LRP1: variants seen among roughly 807,000 people sequenced by gnomAD.
LRP1 encodes LDL receptor related protein 1.
In LRP1, 51 loss-of-function variants were observed where a neutral mutation model predicts 541.5. That is an observed-to-expected ratio of 0.09 (90% confidence interval 0.08 to 0.12). LRP1 has a LOEUF of 0.12. LRP1 is among the 10% of genes least tolerant of loss of function. LRP1 has a pLI of 1.00. For synonymous variants in LRP1, 2,219 were observed against 2,470.8 expected, an observed-to-expected ratio of 0.90 and a Z score of 3.02; for missense variants, 3,878 against 6,376.2, an observed-to-expected ratio of 0.61 and a Z score of 13.34.
At chr12:57,142,997 C>T (rs555178404) in intron 3 of LRP1, among the ~76,000 whole-genome samples, 59 of 152,126 alleles carry the variant, frequency 3.9e-4, no homozygotes, top group Non-Finnish European at 6.2e-4. Flanking sequence ...CCTGGCCCCA[C>T]GCAAGGCCAT....
At chr12:57,152,691 G>A (rs545395121) in intron 6 of LRP1, among the ~76,000 whole-genome samples, 1 of 151,918 alleles carries the variant, frequency 6.6e-6, no homozygotes, top group East Asian at 1.9e-4. Flanking sequence ...GGCTGGGCTT[G>A]GGGATGCATG....
At chr12:57,200,406 C>T (rs747802746) in intron 62 of LRP1, 36 bp from the exon 63 acceptor site, 13 of 1,168,012 alleles carry the variant, frequency 1.1e-5, no homozygotes, top group African/African-American at 4.5e-5. Flanking sequence ...TCCCCCAGAC[C>T]CCCACCAACC....
Position 57,204,581 on chromosome 12 carries a change from C to G in LRP1, c.11072-46C>G, listed in dbSNP as rs759342524. ...CTTCCCAGTGGCCAGCAACCACCCC[C>G]ACTCCCAAGACTAATTCTGGCTCTG... is the stretch of plus-strand genomic sequence containing the variant. On this transcript the variant is annotated intron_variant, in intron 71 of 88. Transcript: ENST00000243077. The surrounding 1 kb of genome is among the most constrained non-coding windows in gnomAD (Gnocchi z 5.3). The G allele has an allele frequency of 3.1e-6, 5 of 1,610,068 alleles. No individual in the cohort carries two copies. Among genetic ancestry groups the G allele is most frequent in the Middle Eastern group, 1.7e-4 (1 of 6,038 alleles).
chr12:57,200,827 C>CA lies in LRP1; in HGVS notation c.10225+12_10225+13insA. Reference sequence around the variant, plus strand: ...CGAGGCCAACTGTGGTAAGGCGCTGCCCGCCCACCCTCCCTCCTTCCCCAG... The same window carrying CA: ...CGAGGCCAACTGTGGTAAGGCGCTGCACCGCCCACCCTCCCTCCTTCCCCAG... On this transcript the variant is annotated intron_variant, in intron 64 of 88. Coordinates refer to ENST00000243077, the MANE Select transcript of LRP1 (RefSeq NM_002332.3). 1.4e-5 allele frequency: 8 copies of CA among 567,948 alleles called. No homozygotes were observed. The highest frequency in any genetic ancestry group is 1.0e-4 in the South Asian group (5 of 49,928). The allele number at this position is 567,948 out of a possible 1,614,324, so 35.2% of individuals were successfully genotyped here.
rs374795916 is a variant in LRP1, at chr12:57,187,372, G to A, written c.6947G>A (p.Arg2316His). The stretch of plus-strand genomic sequence containing the variant: ...ACGCGCCACACAGTGGACCAGACCC[G>A]CCCAGGGGCCTTCGAGCGTGAGACC... Reference protein sequence around the residue: ...TITRHTVDQTRPGAFERETVI... With the variant: ...TITRHTVDQTHPGAFERETVI... The change falls in exon 42 of 89, where the codon CGC (arginine) becomes CAC (histidine). Residue 2316 changes from arginine to histidine, a missense_variant. Arg to His is a conservative substitution (Grantham distance 29, BLOSUM62 0). Transcript: ENST00000243077. The A allele has an allele frequency of 1.7e-5, 27 of 1,614,056 alleles. No homozygotes were observed. Among genetic ancestry groups the A allele is most frequent in the Non-Finnish European group, 1.9e-5 (22 of 1,180,038 alleles).
rs750164729 is a variant in LRP1, at chr12:57,206,552, C to T, written c.11670C>T (p.Tyr3890=). 25 of 1,614,062 alleles carry T rather than the reference C, an allele frequency of 1.5e-5. No individual in the cohort carries two copies. Among genetic ancestry groups the T allele is most frequent in the Admixed American group, 3.3e-5 (2 of 60,010 alleles). ...TCCCCGGCCACCCCCATTCGGCTTACGAGCAGGCATTCCAGGGTGACGAGA... is the reference window on the plus strand; with the variant it reads ...TCCCCGGCCACCCCCATTCGGCTTATGAGCAGGCATTCCAGGGTGACGAGA... The part of the protein sequence containing the change: ...SLFPGHPHSA[Y]EQAFQGDESV... The change falls in exon 76 of 89, where the codon TAC becomes TAT. Residue 3890 remains tyrosine (Y), a synonymous_variant. Coordinates refer to ENST00000243077, the MANE Select transcript of LRP1 (RefSeq NM_002332.3). The surrounding 1 kb of genome is among the most constrained non-coding windows in gnomAD (Gnocchi z 4.7).
At position 57,158,271 on chromosome 12, in the gene LRP1, C is replaced by T; in HGVS notation, c.1562-131C>T. The T allele has an allele frequency of 2.7e-6, 2 of 750,024 alleles. No homozygotes were observed. Among genetic ancestry groups the T allele is most frequent in the Non-Finnish European group, 4.5e-6 (2 of 444,668 alleles). The allele number at this position is 750,024 out of a possible 1,614,324, so 46.5% of individuals were successfully genotyped here. Reference sequence around the variant, plus strand: ...CGTGTGCGTGGTCTGTCCATCTGACCCAGAGCCTCGCATCCCTAACGTCTC... The same window carrying T: ...CGTGTGCGTGGTCTGTCCATCTGACTCAGAGCCTCGCATCCCTAACGTCTC... On this transcript the variant is annotated intron_variant, in intron 10 of 88. Transcript: ENST00000243077. This position sits in a 1 kb window ranked among gnomAD's most constrained non-coding sequence, Gnocchi z 5.3.
intron 60 of LRP1, 62 bp from the exon 61 acceptor site, chr12:57,199,148 AGT>A: frequency 6.7e-7 from 1 of 1,497,326 alleles, no homozygotes; most frequent in Non-Finnish European, 9.2e-7. Context: ...GAGGAGGTGG[AGT>A]GGGCCGGCAC....
chr12:57,184,832 C>T lies in LRP1; in HGVS notation c.6187-7C>T. On this transcript the variant is annotated splice_region_variant and splice_polypyrimidine_tract_variant and intron_variant, in intron 38 of 88. Transcript: ENST00000243077. The surrounding 1 kb of genome is among the most constrained non-coding windows in gnomAD (Gnocchi z 7.8). ...CTGGAGGTGAGGTGGGTGCCTCTGG[C>T]CTGTAGGATGGGAAGCTGTACTGGT... 6.2e-7 allele frequency: 1 copy of T among 1,610,022 alleles called. No individual in the cohort carries two copies. The highest frequency in any genetic ancestry group is 1.7e-5 in the Admixed American group (1 of 59,906).
In LRP1 at chr12:57,195,651, T is replaced by C; in HGVS notation, c.8438-7T>C. 6.2e-7 allele frequency: 1 copy of C among 1,614,026 alleles called. No individual in the cohort carries two copies. The highest frequency in any genetic ancestry group is 8.5e-7 in the Non-Finnish European group (1 of 1,180,000). On this transcript the variant is annotated splice_polypyrimidine_tract_variant and splice_region_variant and intron_variant, in intron 52 of 88. Coordinates refer to ENST00000243077, the MANE Select transcript of LRP1 (RefSeq NM_002332.3). The stretch of plus-strand genomic sequence containing the variant: ...GGCTGAAGGGCTGTGTCCACCTCTG[T>C]CCACAGTGTACAACAGCACTTGTGA...
At chr12:57,137,736 C>G (rs112153001) in intron 1 of LRP1, among the ~76,000 whole-genome samples, 21 of 151,124 alleles carry the variant, frequency 1.4e-4, no homozygotes, top group African/African-American at 5.1e-4. Flanking sequence ...GTGGAGGTTG[C>G]GGTGAGCTGA....
intron 62 of LRP1, chr12:57,200,239 C>T (rs2036620143): frequency 3.1e-6 from 2 of 639,158 alleles, no homozygotes; most frequent in South Asian, 3.8e-5. Context: ...CCTTGACCCT[C>T]CTTGCCATGC....
chr12:57,195,431 C>G (rs1565747113), intron 52 of LRP1, 32 bp downstream of exon 52: 1 of 1,597,158 alleles, frequency 6.3e-7, no homozygotes, highest in Non-Finnish European at 8.5e-7. Context: ...AGCGGGTGGA[C>G]AGCAAATGGC....
At chr12:57,208,889 G>C in intron 78 of LRP1, 72 bp downstream of exon 78, 1 of 1,355,372 alleles carries the variant, frequency 7.4e-7, no homozygotes, top group South Asian at 1.2e-5. Flanking sequence ...TGCTGCTGAA[G>C]TCACACAAAA....
chr12:57,154,181 C>T lies in LRP1; in HGVS notation c.842-27C>T. 1.3e-6 allele frequency: 2 copies of T among 1,599,840 alleles called. No individual in the cohort carries two copies. The highest frequency in any genetic ancestry group is 8.6e-7 in the Non-Finnish European group (1 of 1,169,132). ...CTCTGCAAGAGGGCCTACCCCACCC[C>T]ATGGCTCTTTCATTCGTACTCTCCA... On this transcript the variant is annotated intron_variant, in intron 6 of 88. Coordinates refer to ENST00000243077, the MANE Select transcript of LRP1 (RefSeq NM_002332.3). This position sits in a 1 kb window ranked among gnomAD's most constrained non-coding sequence, Gnocchi z 4.6.
Position 57,165,706 on chromosome 12 carries a change from TA to T in LRP1, c.2531-93del. ...ACTAGAAAAAATTACTTTGTATTAT[TA>T]AAAAATAGTAAAACAAACAAAAATG... On this transcript the variant is annotated intron_variant, in intron 15 of 88. Transcript: ENST00000243077. The surrounding 1 kb of genome is among the most constrained non-coding windows in gnomAD (Gnocchi z 4.5). The T allele has an allele frequency of 1.6e-6, 2 of 1,264,860 alleles. No individual in the cohort carries two copies. The highest frequency in any genetic ancestry group is 2.2e-6 in the Non-Finnish European group (2 of 907,974). The allele number at this position is 1,264,860 out of a possible 1,614,324, so 78.4% of individuals were successfully genotyped here. A position where few individuals can be genotyped will look rare whatever the true frequency, so the allele number is the denominator to read the frequency against.
At position 57,199,883 on chromosome 12, in the gene LRP1, A is replaced by C. The variant is rs778417120; in HGVS notation, c.9872A>C (p.Asn3291Thr). 4 of 1,584,944 alleles carry C rather than the reference A, an allele frequency of 2.5e-6. No homozygotes were observed. The highest frequency in any genetic ancestry group is 3.4e-6 in the Non-Finnish European group (4 of 1,169,088). ...FHALRQPDVP[N>T]HPCKVNNGGC... is the part of the protein sequence containing the mutation. ...ACGACGTTTTCTCTGGCAGTGCCCA[A>C]TCACCCCTGCAAGGTCAACAATGGT... Residue 3291 changes from asparagine (N) to threonine (T), a missense_variant, in exon 62 of 89, where the codon AAT becomes ACT. Transcript: ENST00000243077.
rs1208792102 is a variant in LRP1 at position 57,161,097 on chromosome 12, C to T, written c.2184C>T (p.Leu728=). 5 of 1,613,176 alleles carry T rather than the reference C, an allele frequency of 3.1e-6. No individual in the cohort carries two copies. The Admixed American group carries it at 8.3e-5, about 27-fold the overall frequency. Residue 728 remains leucine, a synonymous_variant, in exon 13 of 89, where the codon CTC becomes CTT. Coordinates refer to ENST00000243077, the MANE Select transcript of LRP1 (RefSeq NM_002332.3). ...ACGACCGCATCGAGACGATACTGCT[C>T]AATGGCACAGACCGGAAGGTGGGCA... ...AFYDRIETIL[L]NGTDRKIVYE... is the part of the protein sequence containing the mutation.
chr12:57,178,852 G>C lies in LRP1; in HGVS notation c.4607-38G>C, dbSNP rs754489855. 9 of 1,589,448 alleles carry C rather than the reference G, an allele frequency of 5.7e-6. No homozygotes were observed. Among genetic ancestry groups the C allele is most frequent in the Non-Finnish European group, 7.7e-6 (9 of 1,171,368 alleles). On this transcript the variant is annotated intron_variant, in intron 27 of 88. Coordinates refer to ENST00000243077, the MANE Select transcript of LRP1 (RefSeq NM_002332.3). The surrounding 1 kb of genome is among the most constrained non-coding windows in gnomAD (Gnocchi z 5.8). ...CCATGTAGGGAGCAGCAAGTCACAG[G>C]ATGCTCTGGCTTCTTCTCTTCTCCA...
Sources: gnomAD v4.1 joint callset for allele counts (sites outside exome capture counted in the v4.1 genomes callset) on GRCh38, gnomAD v4.1.1 for gene constraint, Gnocchi (gnomAD v3.1) non-coding constraint, MANE v1.5 for transcripts, NCBI Gene and HGNC (gene_info 2026-07-23, HGNC 2026-07-21) for gene names.